CALD1: variants seen among roughly 807,000 people sequenced by gnomAD.
The protein encoded by CALD1 is caldesmon.
Under a neutral mutation model 99.9 loss-of-function variants are expected in CALD1, and 33 were observed. The observed-to-expected ratio is 0.33, with a 90% CI of 0.25 to 0.44. CALD1 has a LOEUF of 0.44. Ranked by LOEUF, CALD1 falls within the 20% of genes least tolerant of loss-of-function variation. CALD1 has a pLI of 1.00. For missense variants in CALD1, 861 were observed against 962.1 expected, an observed-to-expected ratio of 0.89 and a Z score of 1.39; for synonymous variants, 310 against 325.0, an observed-to-expected ratio of 0.95 and a Z score of 0.50.
intron 3 of CALD1, among the ~76,000 whole-genome samples, chr7:134,885,387 C>G (rs1801807149): frequency 6.6e-6 from 1 of 152,142 alleles, no homozygotes; most frequent in Non-Finnish European, 1.5e-5. Context: ...GATTATTTCT[C>G]TAGCAATAGG....
At chr7:134,739,618 C>T (rs919567612), upstream of CALD1, among the ~76,000 whole-genome samples, 4 of 152,130 alleles carry the variant, frequency 2.6e-5, no homozygotes, top group Non-Finnish European at 5.9e-5. Flanking sequence ...CATCTGTCTC[C>T]TTTCCCCATT....
Position 134,947,079 on chromosome 7 carries a change from G to A in CALD1, c.1533-429G>A, listed in dbSNP as rs149932377. ...CTGCTATGATGGACACTTGGGTTGC[G>A]TCCATCTCTTGGTCCTTGTAAATAA... On this transcript the variant is annotated intron_variant, in intron 7 of 14. Transcript: ENST00000361675. Among the ~76,000 whole-genome samples, 41 of 152,252 alleles carry A rather than the reference G, an allele frequency of 2.7e-4. 3 individuals are homozygous for A. In the East Asian group the frequency reaches 7.9e-3, roughly 29 times the overall value.
At chr7:134,738,307 T>C in the CALD1 span, among the ~76,000 whole-genome samples, 1 of 152,232 alleles carries the variant, frequency 6.6e-6, no homozygotes, top group Non-Finnish European at 1.5e-5. Context: ...GATCTTAGTT[T>C]TGCATAAAAA....
chr7:134,817,956 T>C (rs889401679), intron 1 of CALD1, among the ~76,000 whole-genome samples: 7 of 152,180 alleles, frequency 4.6e-5, no homozygotes, highest in Non-Finnish European at 7.4e-5. Flanking sequence ...ACACTTGCCG[T>C]CAGCCCATTT....
chr7:134,953,298 G>GT (rs1807502936), intron 9 of CALD1, among the ~76,000 whole-genome samples: 1 of 152,092 alleles, frequency 6.6e-6, no homozygotes, highest in Admixed American at 6.5e-5. Context: ...GGCCAACATG[G>GT]TGAAACCTCG....
intron 1 of CALD1, among the ~76,000 whole-genome samples, chr7:134,761,976 A>G (rs1271383421): frequency 6.6e-6 from 1 of 152,212 alleles, no homozygotes; most frequent in Non-Finnish European, 1.5e-5. Context: ...CCCTACCATC[A>G]GGCAACCTTC....
the CALD1 span, among the ~76,000 whole-genome samples, chr7:134,730,851 T>G: frequency 6.6e-6 from 1 of 152,030 alleles, no homozygotes; most frequent in African/African-American, 2.4e-5. Context: ...ACATCCAGCT[T>G]TAGATTATGT....
At chr7:134,844,765 G>A (rs1362657480) in intron 2 of CALD1, among the ~76,000 whole-genome samples, 1 of 150,184 alleles carries the variant, frequency 6.7e-6, no homozygotes, top group Non-Finnish European at 1.5e-5. Flanking sequence ...CTTGCAGATG[G>A]CCACCTTCTC....
At chr7:134,919,015 A>G (rs1804424983) in intron 3 of CALD1, among the ~76,000 whole-genome samples, 1 of 152,214 alleles carries the variant, frequency 6.6e-6, no homozygotes, top group African/African-American at 2.4e-5. Flanking sequence ...AAATAAATTA[A>G]TAATAGTAAT....
In CALD1 at chr7:134,783,030, C is replaced by T. The variant is rs1194284789; in HGVS notation, c.-130+3281C>T. Among the ~76,000 whole-genome samples the T allele has an allele frequency of 6.6e-6, 1 of 152,156 alleles. No homozygotes were observed. Among genetic ancestry groups the T allele is most frequent in the Non-Finnish European group, 1.5e-5 (1 of 68,020 alleles). On this transcript the variant is annotated intron_variant, in intron 1 of 14. Coordinates refer to ENST00000361675, the MANE Select transcript of CALD1 (RefSeq NM_033138.4). The surrounding 1 kb of genome is among the most constrained non-coding windows in gnomAD (Gnocchi z 4.3). Reference sequence around the variant, plus strand: ...CCAAAGATCCACTTGAGCATAAGACCAGTGAGAAAGTGCTGACAACAGAAA... The same window carrying T: ...CCAAAGATCCACTTGAGCATAAGACTAGTGAGAAAGTGCTGACAACAGAAA...
chr7:134,908,053 T>G lies in CALD1; in HGVS notation c.72-20701T>G, dbSNP rs1346747071. 3.3e-5 allele frequency among the ~76,000 whole-genome samples: 5 copies of G among 152,186 alleles called. No individual in the cohort carries two copies. In the East Asian group the frequency reaches 9.6e-4, roughly 29 times the overall value. On this transcript the variant is annotated intron_variant, in intron 3 of 14. Transcript: ENST00000361675. ...AATTGTTTTTTCACAGATCTCTAACTGAGCTTTAGGAATATCATGCTGACA... is the reference window on the plus strand; with the variant it reads ...AATTGTTTTTTCACAGATCTCTAACGGAGCTTTAGGAATATCATGCTGACA...
chr7:134,834,573 T>C (rs1283308089), intron 1 of CALD1, among the ~76,000 whole-genome samples: 1 of 152,234 alleles, frequency 6.6e-6, no homozygotes, highest in Non-Finnish European at 1.5e-5. Flanking sequence ...CTAGGTCTTA[T>C]TTATAAAATG....
chr7:134,733,834 AAACAAAAT>A, the CALD1 span, among the ~76,000 whole-genome samples: 10 of 80,346 alleles, frequency 1.2e-4, no homozygotes, highest in East Asian at 1.9e-3. Context: ...AAACAAAAAA[AAACAAAAT>A]AGGTCTGCTA....
At chr7:134,787,148 T>C (rs1797337572) in intron 1 of CALD1, among the ~76,000 whole-genome samples, 1 of 152,230 alleles carries the variant, frequency 6.6e-6, no homozygotes. Flanking sequence ...TAGTTGCATA[T>C]GCCAAATAAT....
chr7:134,718,075 A>AT, the CALD1 span, among the ~76,000 whole-genome samples: 1 of 152,212 alleles, frequency 6.6e-6, no homozygotes, highest in South Asian at 2.1e-4. Context: ...TAAACACAGA[A>AT]TCAATCTAAA....
intron 1 of CALD1, among the ~76,000 whole-genome samples, chr7:134,828,192 A>G (rs17168076): frequency 0.024 from 3,581 of 152,310 alleles, 130 homozygotes; most frequent in African/African-American, 0.08. Context: ...AAATAAGCCA[A>G]TATCGCGGCT....
At chr7:134,773,595 G>A (rs2131637907) in intron 1 of CALD1, among the ~76,000 whole-genome samples, 1 of 152,122 alleles carries the variant, frequency 6.6e-6, no homozygotes, top group East Asian at 1.9e-4. Flanking sequence ...TGCATTTCTT[G>A]AGTTGAATTT....
chr7:134,864,448 G>A (rs1800711926), intron 2 of CALD1, among the ~76,000 whole-genome samples: 1 of 151,394 alleles, frequency 6.6e-6, no homozygotes, highest in Non-Finnish European at 1.5e-5. Flanking sequence ...GCTCAGACTG[G>A]AGTGAAGCGG....
intron 1 of CALD1, among the ~76,000 whole-genome samples, chr7:134,770,132 CT>C (rs2131625872): frequency 6.6e-6 from 1 of 152,162 alleles, no homozygotes; most frequent in South Asian, 2.1e-4. Flanking sequence ...AGAAAAAATG[CT>C]CTCAAACCTT....
Sources: gnomAD v4.1 joint callset for allele counts (sites outside exome capture counted in the v4.1 genomes callset) on GRCh38, gnomAD v4.1.1 for gene constraint, Gnocchi (gnomAD v3.1) non-coding constraint, MANE v1.5 for transcripts, NCBI Gene and HGNC (gene_info 2026-07-23, HGNC 2026-07-21) for gene names.